The following TBC1D1 variants were observed in gnomAD, a reference collection of about 807,000 sequenced individuals.
The protein encoded by TBC1D1 is TBC1 (tre-2/USP6, BUB2, cdc16) domain family, member 1.
Under a neutral mutation model 125.6 loss-of-function variants are expected in TBC1D1, and 89 were observed. The ratio of observed to expected loss-of-function variants is 0.71; its 90% CI spans 0.60 to 0.85. The LOEUF is 0.85. Among genes scored for constraint, TBC1D1 ranks in the 40% least tolerant of loss-of-function variants. The pLI is 0.00. For synonymous variants in TBC1D1, 565 were observed against 564.1 expected, an observed-to-expected ratio of 1.00 and a Z score of -0.02; for missense variants, 1,377 against 1,469.2, an observed-to-expected ratio of 0.94 and a Z score of 1.03.
intron 12 of TBC1D1, among the ~76,000 whole-genome samples, chr4:38,085,605 G>A (rs562712257): frequency 1.3e-5 from 2 of 152,288 alleles, no homozygotes; most frequent in East Asian, 1.9e-4. Context: ...CTCAGCCTCC[G>A]CTGCACTGAG....
At chr4:38,025,538 G>T (rs1336758701) in intron 6 of TBC1D1, among the ~76,000 whole-genome samples, 1 of 152,254 alleles carries the variant, frequency 6.6e-6, no homozygotes, top group Non-Finnish European at 1.5e-5. Flanking sequence ...AGCTGCCGAA[G>T]CGAAGAATAA....
intron 2 of TBC1D1, chr4:37,960,917 G>A (rs1400555449): frequency 1.2e-6 from 2 of 1,614,026 alleles, no homozygotes; most frequent in African/African-American, 2.7e-5. Flanking sequence ...TGTTTCAGCT[G>A]GGCCCCCCTT....
chr4:38,106,266 G>A (rs919224592), intron 15 of TBC1D1, among the ~76,000 whole-genome samples: 1 of 151,990 alleles, frequency 6.6e-6, no homozygotes, highest in Admixed American at 6.6e-5. Context: ...CCCTCTCTAA[G>A]AAATGAAGAA....
chr4:37,894,965 C>G (rs550526099), intron 1 of TBC1D1, among the ~76,000 whole-genome samples: 1 of 152,182 alleles, frequency 6.6e-6, no homozygotes, highest in Non-Finnish European at 1.5e-5. Context: ...ATGAGCATGA[C>G]AAAACCTACT....
At position 38,034,986 on chromosome 4, in the gene TBC1D1, G is replaced by A. The variant is rs933108449; in HGVS notation, c.1303-602G>A. On this transcript the variant is annotated intron_variant, in intron 7 of 19. Coordinates refer to ENST00000261439, the MANE Select transcript of TBC1D1 (RefSeq NM_015173.4). Reference sequence around the variant, plus strand: ...CTTGGCTTCACACTTCTCGGCAGCAGCCGGAACCTACATGTCCTGACTTCT... The same window carrying A: ...CTTGGCTTCACACTTCTCGGCAGCAACCGGAACCTACATGTCCTGACTTCT... 2.6e-5 allele frequency among the ~76,000 whole-genome samples: 4 copies of A among 152,206 alleles called. No homozygotes were observed. In the East Asian group the frequency reaches 7.7e-4, roughly 29 times the overall value.
chr4:37,926,060 C>G (rs1722045116), intron 2 of TBC1D1, among the ~76,000 whole-genome samples: 1 of 152,210 alleles, frequency 6.6e-6, no homozygotes, highest in South Asian at 2.1e-4. Flanking sequence ...TATCCATCAT[C>G]ATTAGAAGAA....
At chr4:38,074,461 C>T (rs745818853) in intron 12 of TBC1D1, among the ~76,000 whole-genome samples, 2 of 152,200 alleles carry the variant, frequency 1.3e-5, no homozygotes, top group Non-Finnish European at 2.9e-5. Context: ...TTCCCCTGTG[C>T]TGGCCCTCAG....
intron 2 of TBC1D1, among the ~76,000 whole-genome samples, chr4:37,915,655 T>A (rs944274146): frequency 1.3e-5 from 2 of 152,188 alleles, no homozygotes; most frequent in Non-Finnish European, 2.9e-5. Flanking sequence ...GAAATAATGT[T>A]TAACCAGATA....
chr4:38,115,641 G>T, intron 15 of TBC1D1, 69 bp from the exon 18 acceptor site: 1 of 1,524,258 alleles, frequency 6.6e-7, no homozygotes, highest in Non-Finnish European at 8.9e-7. Flanking sequence ...GAAGCACATT[G>T]GATTTCTGGT....
chr4:38,036,257 G>A (rs535241347), intron 8 of TBC1D1, among the ~76,000 whole-genome samples: 1 of 152,156 alleles, frequency 6.6e-6, no homozygotes, highest in Non-Finnish European at 1.5e-5. Flanking sequence ...CTCTTTGTGG[G>A]GTCTCAAGGC....
In TBC1D1 at chr4:38,049,712, G is replaced by A; in HGVS notation, c.1724G>A (p.Ser575Asn). Residue 575 changes from serine to asparagine, a missense_variant, in exon 11 of 20, where the codon AGT (serine) becomes AAT (asparagine). By Grantham distance (46) the Ser-to-Asn change is conservative. Around this residue, in one of 3 missense-constraint regions of TBC1D1, gnomAD observed 822 missense variants for 824.6 expected, o/e 1.00. Coordinates refer to ENST00000261439, the MANE Select transcript of TBC1D1 (RefSeq NM_015173.4). Reference sequence around the variant, plus strand: ...GAGGACCTGTCCAGTGACTCGGAGAGTCATCTCCCAGAAGAGCCAGCTCCG... The same window carrying A: ...GAGGACCTGTCCAGTGACTCGGAGAATCATCTCCCAGAAGAGCCAGCTCCG... 3 of 1,614,192 alleles carry A rather than the reference G, an allele frequency of 1.9e-6. No homozygotes were observed. The highest frequency in any genetic ancestry group is 2.5e-6 in the Non-Finnish European group (3 of 1,180,034).
At chr4:38,075,213 A>C (rs1319038830) in intron 12 of TBC1D1, among the ~76,000 whole-genome samples, 2 of 152,244 alleles carry the variant, frequency 1.3e-5, no homozygotes, top group Non-Finnish European at 2.9e-5. Flanking sequence ...AATGGATTAA[A>C]GTGTTTGAAA....
At chr4:38,133,002 A>G in intron 18 of TBC1D1, 82 bp from the exon 21 acceptor site, 1 of 1,259,610 alleles carries the variant, frequency 7.9e-7, no homozygotes, top group Non-Finnish European at 1.1e-6. Flanking sequence ...ACAGGTGCGC[A>G]TTGTCGTGAT....
intron 10 of TBC1D1, among the ~76,000 whole-genome samples, chr4:38,046,370 TA>T (rs11438975): frequency 0.073 from 10,445 of 142,642 alleles, 404 homozygotes; most frequent in East Asian, 0.16. Context: ...AGACTCTGTG[TA>T]AAAAAAAAAA....
In TBC1D1 at chr4:37,972,802, T is replaced by C. The variant is rs532203227; in HGVS notation, c.418-41707T>C. Among the ~76,000 whole-genome samples the C allele has an allele frequency of 4.0e-5, 6 of 150,302 alleles. No homozygotes were observed. In the South Asian group the frequency reaches 1.3e-3, roughly 31 times the overall value. ...CTGTAATCCCAGCTACTCAGGAGGC[T>C]GAGGCAGAAGAATTGTTTGAACCTG... On this transcript the variant is annotated intron_variant, in intron 2 of 19. Coordinates refer to ENST00000261439, the MANE Select transcript of TBC1D1 (RefSeq NM_015173.4).
chr4:38,031,812 G>A (rs1746198342), intron 7 of TBC1D1, among the ~76,000 whole-genome samples: 1 of 152,086 alleles, frequency 6.6e-6, no homozygotes, highest in African/African-American at 2.4e-5. Context: ...TATCTGAATT[G>A]CGTTTATGAC....
rs59981282 is a variant in TBC1D1, at chr4:38,012,874, A to C, written c.418-1635A>C. Among the ~76,000 whole-genome samples the C allele has an allele frequency of 4.8e-3, 722 of 151,616 alleles. 8 individuals carry two copies. Among genetic ancestry groups the C allele is most frequent in the African/African-American group, 0.017 (698 of 41,296 alleles). ...AGTGGCACAATCTCGGCTCACTGCA[A>C]CCTCCGCCTCCCAGGTTCAAGCAAT... On this transcript the variant is annotated intron_variant, in intron 2 of 19. Coordinates refer to ENST00000261439, the MANE Select transcript of TBC1D1 (RefSeq NM_015173.4).
Position 38,049,721 on chromosome 4 carries a change from C to A in TBC1D1, c.1733C>A (p.Pro578Gln). The A allele has an allele frequency of 6.2e-7, 1 of 1,614,204 alleles. No homozygotes were observed. The highest frequency in any genetic ancestry group is 8.5e-7 in the Non-Finnish European group (1 of 1,180,024). ...TCCAGTGACTCGGAGAGTCATCTCCCAGAAGAGCCAGCTCCGCTGTCGCCC... is the reference window on the plus strand; with the variant it reads ...TCCAGTGACTCGGAGAGTCATCTCCAAGAAGAGCCAGCTCCGCTGTCGCCC... The change falls in exon 11 of 20, where the codon CCA (proline) becomes CAA (glutamine). Residue 578 changes from proline to glutamine, a missense_variant. Physicochemically the swap from Pro to Gln is moderately conservative, Grantham distance 76. Coordinates refer to ENST00000261439, the MANE Select transcript of TBC1D1 (RefSeq NM_015173.4).
chr4:37,942,857 T>A (rs1725871077), intron 2 of TBC1D1, among the ~76,000 whole-genome samples: 1 of 152,210 alleles, frequency 6.6e-6, no homozygotes, highest in Non-Finnish European at 1.5e-5. Flanking sequence ...TATTGTTATA[T>A]GTGAATTTGA....
Sources: allele counts gnomAD v4.1 joint callset (sites outside exome capture counted in the v4.1 genomes callset), GRCh38; gene constraint gnomAD v4.1.1; regional missense constraint gnomAD v4.1.1; transcripts MANE v1.5; gene names NCBI Gene and HGNC (gene_info 2026-07-23, HGNC 2026-07-21).